The following CSMD1 variants were observed in gnomAD, a reference collection of about 807,000 sequenced individuals.
CSMD1 encodes the protein CUB and Sushi multiple domains 1.
In CSMD1, 213 loss-of-function variants were observed where a neutral mutation model predicts 417.5. The ratio of observed to expected loss-of-function variants is 0.51; its 90% CI spans 0.46 to 0.57. The LOEUF (loss-of-function observed/expected upper bound fraction) is 0.57. CSMD1 is among the 20% of genes least tolerant of loss of function. The pLI is 0.00. For synonymous variants in CSMD1, 2,862 were observed against 1,736.8 expected (o/e 1.65, Z -16.11); for missense variants, 6,923 against 4,529.7 (o/e 1.53, Z -15.17).
intron 3 of CSMD1, among the ~76,000 whole-genome samples, chr8:4,209,855 T>C (rs192568528): frequency 2.5e-4 from 38 of 152,308 alleles, no homozygotes; most frequent in Admixed American, 2.5e-3. Flanking sequence ...GAGCGGTTAA[T>C]GCAGAAATTT....
intron 5 of CSMD1, among the ~76,000 whole-genome samples, chr8:3,891,162 C>A (rs1454059856): frequency 2.0e-5 from 3 of 152,080 alleles, no homozygotes; most frequent in Non-Finnish European, 4.4e-5. Flanking sequence ...GATCCTCCCT[C>A]AGCCTCCCAA....
chr8:4,592,391 G>A (rs1173512323), intron 2 of CSMD1, among the ~76,000 whole-genome samples: 6 of 151,670 alleles, frequency 4.0e-5, no homozygotes, highest in East Asian at 3.9e-4. Context: ...CCTTGTTATC[G>A]CTTTGTTGTT....
intron 5 of CSMD1, among the ~76,000 whole-genome samples, chr8:3,755,665 A>G (rs1477120401): frequency 6.6e-6 from 1 of 152,170 alleles, no homozygotes; most frequent in African/African-American, 2.4e-5. Flanking sequence ...GCAACACCAG[A>G]TGAAATACAT....
chr8:4,151,006 C>G (rs138050325), intron 3 of CSMD1, among the ~76,000 whole-genome samples: 1 of 152,072 alleles, frequency 6.6e-6, no homozygotes, highest in Non-Finnish European at 1.5e-5. Flanking sequence ...AGAAATGATG[C>G]AAGAGAAATT....
chr8:4,395,589 G>T (rs1235489959), intron 3 of CSMD1, among the ~76,000 whole-genome samples: 2 of 151,888 alleles, frequency 1.3e-5, no homozygotes, highest in African/African-American at 2.4e-5. Flanking sequence ...GAGGAGGATA[G>T]ATTTCAGGAT....
chr8:2,973,814 T>C (rs185864441), intron 56 of CSMD1, among the ~76,000 whole-genome samples: 16 of 152,192 alleles, frequency 1.1e-4, no homozygotes, highest in African/African-American at 1.4e-4. Context: ...ATGCGGTTAA[T>C]GGTGGTAGAG....
intron 3 of CSMD1, among the ~76,000 whole-genome samples, chr8:4,399,598 C>A (rs1804510470): frequency 6.6e-6 from 1 of 151,912 alleles, no homozygotes; most frequent in African/African-American, 2.4e-5. Flanking sequence ...TGGATCTTGC[C>A]ATATTTGTAG....
chr8:4,548,768 G>T (rs1797739187), intron 2 of CSMD1, among the ~76,000 whole-genome samples: 1 of 152,008 alleles, frequency 6.6e-6, no homozygotes, highest in Non-Finnish European at 1.5e-5. Flanking sequence ...TGCATTCCCA[G>T]GTGCCTTCCT....
intron 10 of CSMD1, among the ~76,000 whole-genome samples, chr8:3,511,118 A>G (rs182861568): frequency 3.8e-4 from 57 of 151,964 alleles, no homozygotes; most frequent in African/African-American, 1.3e-3. Context: ...CTGTCAGCAA[A>G]CTAACAAAGG....
At chr8:3,163,611 G>A (rs1268442408) in intron 37 of CSMD1, among the ~76,000 whole-genome samples, 34 of 144,090 alleles carry the variant, frequency 2.4e-4, no homozygotes, top group African/African-American at 6.9e-4. Context: ...TTCACTTTCC[G>A]AAAAAGAAAA....
chr8:4,847,994 G>C (rs1420521089), intron 1 of CSMD1, among the ~76,000 whole-genome samples: 1 of 152,006 alleles, frequency 6.6e-6, no homozygotes, highest in African/African-American at 2.4e-5. Context: ...TCTCCTTCCA[G>C]GGCCCGAACA....
chr8:4,515,776 A>C (rs1303874799), intron 2 of CSMD1, among the ~76,000 whole-genome samples: 1 of 152,126 alleles, frequency 6.6e-6, no homozygotes, highest in Non-Finnish European at 1.5e-5. Context: ...CTGTTTTATA[A>C]ATGAGCCAAA....
At chr8:4,053,591 G>A (rs550530765) in intron 3 of CSMD1, among the ~76,000 whole-genome samples, 1 of 152,016 alleles carries the variant, frequency 6.6e-6, no homozygotes, top group Non-Finnish European at 1.5e-5. Flanking sequence ...CCTGCTCTTA[G>A]CAACCTCTGA....
intron 10 of CSMD1, among the ~76,000 whole-genome samples, chr8:3,570,356 C>A (rs1222777647): frequency 2.6e-5 from 4 of 152,222 alleles, no homozygotes; most frequent in Non-Finnish European, 5.9e-5. Context: ...CTAGATATTT[C>A]TTTCCTTGGC....
chr8:3,173,127 G>A (rs995663339), intron 37 of CSMD1, among the ~76,000 whole-genome samples: 2 of 152,184 alleles, frequency 1.3e-5, no homozygotes, highest in African/African-American at 4.8e-5. Flanking sequence ...GAAGCACCAT[G>A]TGATTACGTA....
Position 3,460,668 on chromosome 8 carries a change from G to A in CSMD1, c.1561+8044C>T, listed in dbSNP as rs138969160. ...TACTAGACGGAACTGACCGAAATTC[G>A]TGGAGAAAAAGAGAACAGGATCATA... On this transcript the variant is annotated intron_variant, in intron 12 of 69. Coordinates refer to ENST00000635120, the MANE Select transcript of CSMD1 (RefSeq NM_033225.6). Among the ~76,000 whole-genome samples the A allele has an allele frequency of 7.9e-5, 12 of 152,274 alleles. No homozygotes were observed. The South Asian group carries it at 8.3e-4, about 11-fold the overall frequency.
chr8:3,910,785 T>C (rs891036929), intron 5 of CSMD1, among the ~76,000 whole-genome samples: 3 of 152,196 alleles, frequency 2.0e-5, no homozygotes, highest in Non-Finnish European at 2.9e-5. Context: ...CCAGAGTACA[T>C]TATTACAAAT....
intron 3 of CSMD1, among the ~76,000 whole-genome samples, chr8:4,110,906 G>C (rs1313537594): frequency 2.0e-5 from 3 of 152,062 alleles, no homozygotes; most frequent in Non-Finnish European, 4.4e-5. Context: ...AAGACATAAA[G>C]TGAGACAATG....
chr8:4,160,843 T>A (rs1797116083), intron 3 of CSMD1, among the ~76,000 whole-genome samples: 1 of 152,218 alleles, frequency 6.6e-6, no homozygotes, highest in African/African-American at 2.4e-5. Flanking sequence ...GAACTTGAAG[T>A]TTCTAATATT....
Sources: gnomAD v4.1 joint callset for allele counts (sites outside exome capture counted in the v4.1 genomes callset) on GRCh38, gnomAD v4.1.1 for gene constraint, MANE v1.5 for transcripts, NCBI Gene and HGNC (gene_info 2026-07-23, HGNC 2026-07-21) for gene names.